HOMER2: variants seen among roughly 807,000 people sequenced by gnomAD.
The protein encoded by HOMER2 is homer protein homolog 2.
In HOMER2, 27 loss-of-function variants were observed where a neutral mutation model predicts 47.0. The observed-to-expected ratio is 0.57, with a 90% CI of 0.42 to 0.79. The LOEUF is 0.79. Among genes scored for constraint, HOMER2 ranks in the 30% least tolerant of loss-of-function variants. The pLI is 0.00. For synonymous variants in HOMER2, 161 were observed against 163.8 expected, an observed-to-expected ratio of 0.98 and a Z score of 0.13; for missense variants, 443 against 435.0, an observed-to-expected ratio of 1.02 and a Z score of -0.16.
intron 1 of HOMER2, among the ~76,000 whole-genome samples, chr15:82,927,250 G>T (rs570394794): frequency 6.7e-6 from 1 of 148,192 alleles, no homozygotes; most frequent in Non-Finnish European, 1.5e-5. Flanking sequence ...CTTATTTGTT[G>T]TTTTCATTTA....
chr15:82,960,947 G>A (rs1395889097), intron 1 of HOMER2, among the ~76,000 whole-genome samples: 1 of 152,236 alleles, frequency 6.6e-6, no homozygotes, highest in East Asian at 1.9e-4. Context: ...GTTCCACAAA[G>A]CCCTGGCCTG....
At chr15:82,981,917 T>C (rs1291399222) in intron 1 of HOMER2, among the ~76,000 whole-genome samples, 1 of 142,270 alleles carries the variant, frequency 7.0e-6, no homozygotes, top group Non-Finnish European at 1.5e-5. Context: ...AATCTCGAGA[T>C]GGATGGCGGT....
At chr15:82,964,267 C>G (rs191222763) in intron 1 of HOMER2, among the ~76,000 whole-genome samples, 1 of 152,210 alleles carries the variant, frequency 6.6e-6, no homozygotes, top group Admixed American at 6.5e-5. Flanking sequence ...GCTGCTCCAG[C>G]GCGTCCCCCT....
At chr15:82,865,929 G>A (rs899865606) in intron 3 of HOMER2, among the ~76,000 whole-genome samples, 7 of 152,234 alleles carry the variant, frequency 4.6e-5, no homozygotes, top group African/African-American at 1.7e-4. Context: ...GGCTCTCATG[G>A]AGAACTCTGC....
At chr15:82,880,013 A>G (rs549132099) in intron 2 of HOMER2, among the ~76,000 whole-genome samples, 2 of 152,358 alleles carry the variant, frequency 1.3e-5, no homozygotes, top group African/African-American at 4.8e-5. Context: ...ACAAAAGAAC[A>G]CATACATTAT....
chr15:82,852,450 C>G (rs2051427742), intron 6 of HOMER2, 198 bp from the exon 7 acceptor site: 1 of 521,754 alleles, frequency 1.9e-6, no homozygotes, highest in Admixed American at 3.7e-5. Flanking sequence ...ATGGGACCTG[C>G]TTTGCACATG....
intron 5 of HOMER2, among the ~76,000 whole-genome samples, chr15:82,858,808 ACT>A (rs915143074): frequency 6.6e-6 from 1 of 151,684 alleles, no homozygotes; most frequent in East Asian, 1.9e-4. Context: ...ACACACACAC[ACT>A]CTCTATTTCC....
Position 82,852,176 on chromosome 15 carries a change from T to TCG in HOMER2, c.726_727dup (p.Glu243AlafsTer15), listed in dbSNP as rs773214023. On this transcript the variant is annotated frameshift_variant, in exon 7 of 9. Coordinates refer to ENST00000450735, the MANE Select transcript of HOMER2 (RefSeq NM_004839.4). LOFTEE classifies it high-confidence loss of function. ...TTCTCGGAGCTCTGCCTCCAGCTCC[T>TCG]CGATCCTCCTCTTCAGCTGCGTGTT... is the stretch of plus-strand genomic sequence containing the variant. 6.2e-7 allele frequency: 1 copy of TCG among 1,613,940 alleles called. No individual in the cohort carries two copies. Among genetic ancestry groups the TCG allele is most frequent in the Non-Finnish European group, 8.5e-7 (1 of 1,179,844 alleles).
intron 2 of HOMER2, among the ~76,000 whole-genome samples, chr15:82,882,979 G>T (rs1226870300): frequency 3.7e-5 from 1 of 26,988 alleles, no homozygotes; most frequent in Admixed American, 4.7e-4. Context: ...GTGCCATGCT[G>T]GTGCGCTGCA....
intron 1 of HOMER2, chr15:82,925,886 G>A (rs1365117328): frequency 1.3e-5 from 2 of 150,388 alleles, no homozygotes; most frequent in Non-Finnish European, 2.9e-5. Context: ...CAACCCCCAT[G>A]ATACTCCCCC....
intron 1 of HOMER2, among the ~76,000 whole-genome samples, chr15:82,946,553 C>A (rs1321225800): frequency 6.6e-6 from 1 of 152,078 alleles, no homozygotes; most frequent in African/African-American, 2.4e-5. Flanking sequence ...CCATGGCTCA[C>A]TCTCCTCCTT....
chr15:82,880,505 G>C (rs539888360), intron 2 of HOMER2, among the ~76,000 whole-genome samples: 1 of 152,180 alleles, frequency 6.6e-6, no homozygotes, highest in African/African-American at 2.4e-5. Context: ...GGGTACATAT[G>C]GGTTTGCTTT....
At chr15:82,972,219 C>G (rs1240261945) in intron 1 of HOMER2, among the ~76,000 whole-genome samples, 1 of 152,186 alleles carries the variant, frequency 6.6e-6, no homozygotes, top group Non-Finnish European at 1.5e-5. Flanking sequence ...CTAACCCAGG[C>G]AATCACAAAT....
At chr15:82,880,893 G>C (rs774511544) in intron 2 of HOMER2, among the ~76,000 whole-genome samples, 10 of 152,214 alleles carry the variant, frequency 6.6e-5, no homozygotes, top group Non-Finnish European at 1.3e-4. Flanking sequence ...CAGGTGGCCA[G>C]CAACCAAGGA....
At chr15:82,882,281 C>T (rs1055826153) in intron 2 of HOMER2, among the ~76,000 whole-genome samples, 1 of 152,148 alleles carries the variant, frequency 6.6e-6, no homozygotes, top group East Asian at 1.9e-4. Flanking sequence ...ACACCTGCCA[C>T]AGGCCTGGAG....
chr15:82,907,936 T>C (rs1231666561), intron 1 of HOMER2, among the ~76,000 whole-genome samples: 2 of 152,318 alleles, frequency 1.3e-5, no homozygotes, highest in Non-Finnish European at 2.9e-5. Flanking sequence ...AATAAAATAC[T>C]GATACAGGCT....
chr15:82,862,130 T>C (rs2051814426), intron 4 of HOMER2, among the ~76,000 whole-genome samples: 1 of 151,560 alleles, frequency 6.6e-6, no homozygotes, highest in Non-Finnish European at 1.5e-5. Context: ...CTCGAACTCA[T>C]GAGCTCAGGT....
chr15:82,881,172 C>G (rs1391025544), intron 2 of HOMER2, among the ~76,000 whole-genome samples: 2 of 152,204 alleles, frequency 1.3e-5, no homozygotes, highest in Non-Finnish European at 2.9e-5. Context: ...AAAGAAGCCA[C>G]CCTAGTAAAA....
intron 2 of HOMER2, 62 bp downstream of exon 2, chr15:82,892,623 G>C: frequency 1.6e-6 from 2 of 1,289,460 alleles, no homozygotes; most frequent in Non-Finnish European, 2.1e-6. Context: ...GCAGGATTTT[G>C]GGTGCATCTT....
Sources: allele counts gnomAD v4.1 joint callset (sites outside exome capture counted in the v4.1 genomes callset), GRCh38; gene constraint gnomAD v4.1.1; transcripts MANE v1.5; gene names NCBI Gene and HGNC (gene_info 2026-07-23, HGNC 2026-07-21).